SYN2: variants seen among roughly 807,000 people sequenced by gnomAD.
SYN2 encodes the protein synapsin-2.
A neutral mutation model predicts 50.9 loss-of-function variants in SYN2; 19 were observed. That is an observed-to-expected ratio of 0.37 (90% confidence interval 0.26 to 0.55). The LOEUF is 0.55. Among genes scored for constraint, SYN2 ranks in the 20% least tolerant of loss-of-function variants. The pLI, the probability that SYN2 is intolerant of heterozygous loss-of-function variation, is 0.81. For synonymous variants in SYN2, 255 were observed against 224.9 expected (o/e 1.13, Z -1.20); for missense variants, 587 against 576.4 (o/e 1.02, Z -0.19).
At chr3:12,072,439 G>C (rs1215538789) in intron 1 of SYN2, among the ~76,000 whole-genome samples, 1 of 152,108 alleles carries the variant, frequency 6.6e-6, no homozygotes, top group African/African-American at 2.4e-5. Flanking sequence ...TTTCTTTTCA[G>C]AATTTTATAG....
chr3:12,183,853 C>T (rs2289708), intron 11 of SYN2: 9 of 1,025,742 alleles, frequency 8.8e-6, no homozygotes, highest in Non-Finnish European at 1.0e-5. Flanking sequence ...TCTCCTCCCC[C>T]CAAGCTCAGT....
chr3:12,156,394 G>A (rs1697459514), intron 5 of SYN2, among the ~76,000 whole-genome samples: 1 of 152,130 alleles, frequency 6.6e-6, no homozygotes, highest in East Asian at 1.9e-4. Flanking sequence ...TCCTGCCTGG[G>A]CCCAAGTTCA....
At chr3:12,036,609 C>A (rs1055443149) in intron 1 of SYN2, among the ~76,000 whole-genome samples, 6 of 152,138 alleles carry the variant, frequency 3.9e-5, no homozygotes, top group African/African-American at 1.4e-4. Flanking sequence ...ACCATTCTGC[C>A]CTCCTAGAGC....
chr3:12,037,499 G>T (rs890668096), intron 1 of SYN2, among the ~76,000 whole-genome samples: 8 of 152,206 alleles, frequency 5.3e-5, no homozygotes, highest in Non-Finnish European at 1.0e-4. Flanking sequence ...GCTGTATCTG[G>T]TGAGGGCCTC....
At chr3:12,131,272 A>G (rs934039958) in intron 1 of SYN2, among the ~76,000 whole-genome samples, 2 of 152,196 alleles carry the variant, frequency 1.3e-5, no homozygotes, top group Non-Finnish European at 2.9e-5. Context: ...GTGAGACCAA[A>G]TCATGGAGGA....
intron 1 of SYN2, among the ~76,000 whole-genome samples, chr3:12,088,718 G>T (rs552295903): frequency 6.6e-6 from 1 of 152,274 alleles, no homozygotes; most frequent in East Asian, 1.9e-4. Flanking sequence ...TTACAAAGAA[G>T]GAATTTCAGT....
At chr3:12,012,803 G>T in intron 1 of SYN2, among the ~76,000 whole-genome samples, 1 of 151,968 alleles carries the variant, frequency 6.6e-6, no homozygotes. Context: ...TTTTCCTTCT[G>T]TTCATATTCT....
chr3:12,141,858 T>C lies in SYN2; in HGVS notation c.436-47T>C, dbSNP rs777797124. 3 of 779,654 alleles carry C rather than the reference T, an allele frequency of 3.8e-6. No homozygotes were observed. The Admixed American group carries it at 5.1e-5, about 13-fold the overall frequency. The allele number at this position is 779,654 out of a possible 1,614,324, so 48.3% of individuals were successfully genotyped here. ...TGTTGCTGCTGCTATGTAGAGGACT[T>C]GGTGAAGTCAGGATTGTGAACTTAT... On this transcript the variant is annotated intron_variant, in intron 2 of 12. Coordinates refer to ENST00000621198, the MANE Select transcript of SYN2 (RefSeq NM_133625.6).
chr3:12,186,558 G>A (rs913407426), intron 11 of SYN2, among the ~76,000 whole-genome samples: 2 of 152,176 alleles, frequency 1.3e-5, no homozygotes, highest in Non-Finnish European at 1.5e-5. Flanking sequence ...TGGCTGAGAG[G>A]TTCATCCTGC....
intron 1 of SYN2, among the ~76,000 whole-genome samples, chr3:12,116,169 G>A (rs574830276): frequency 2.4e-4 from 37 of 152,216 alleles, no homozygotes; most frequent in African/African-American, 8.2e-4. Flanking sequence ...CCCATAGCCC[G>A]CAGACAGCAA....
At chr3:12,133,634 G>A (rs555094676) in intron 1 of SYN2, among the ~76,000 whole-genome samples, 1 of 152,290 alleles carries the variant, frequency 6.6e-6, no homozygotes, top group Non-Finnish European at 1.5e-5. Flanking sequence ...AGAAAATTCT[G>A]AAGTCTAATT....
chr3:12,007,801 C>T (rs1343994628), intron 1 of SYN2, among the ~76,000 whole-genome samples: 1 of 152,206 alleles, frequency 6.6e-6, no homozygotes, highest in African/African-American at 2.4e-5. Flanking sequence ...GAATTTCTGT[C>T]ATTGTAATTG....
At chr3:12,104,160 T>C (rs1288189341) in intron 1 of SYN2, among the ~76,000 whole-genome samples, 1 of 151,998 alleles carries the variant, frequency 6.6e-6, no homozygotes, top group Non-Finnish European at 1.5e-5. Flanking sequence ...AGAGACAGAG[T>C]CTTACACCAT....
At chr3:12,019,348 T>G (rs914210284) in intron 1 of SYN2, among the ~76,000 whole-genome samples, 3 of 152,232 alleles carry the variant, frequency 2.0e-5, no homozygotes, top group African/African-American at 7.2e-5. Context: ...TTAGCTCAAC[T>G]ATGAGTTGCT....
chr3:12,184,087 G>A (rs1698286928), intron 11 of SYN2: 1 of 986,042 alleles, frequency 1.0e-6, no homozygotes, highest in Non-Finnish European at 1.2e-6. Context: ...GGCTGGCTGT[G>A]CCTGTAGAGC....
intron 1 of SYN2, among the ~76,000 whole-genome samples, chr3:12,123,716 G>A (rs1421762979): frequency 6.6e-6 from 1 of 152,170 alleles, no homozygotes; most frequent in Non-Finnish European, 1.5e-5. Context: ...GGGAGTTCAA[G>A]GCGAGTGGAT....
At chr3:12,038,258 C>A (rs940915550) in intron 1 of SYN2, among the ~76,000 whole-genome samples, 1 of 152,098 alleles carries the variant, frequency 6.6e-6, no homozygotes, top group Non-Finnish European at 1.5e-5. Flanking sequence ...TCCATTGATG[C>A]AATAGATTGC....
intron 1 of SYN2, among the ~76,000 whole-genome samples, chr3:12,063,988 A>G (rs545055434): frequency 9.3e-6 from 1 of 107,774 alleles, no homozygotes; most frequent in South Asian, 4.1e-4. Context: ...GAAAGTAGGA[A>G]AAAAGATTAC....
intron 5 of SYN2, chr3:12,154,480 C>A: frequency 6.2e-7 from 1 of 1,611,544 alleles, no homozygotes; most frequent in Non-Finnish European, 8.5e-7. Flanking sequence ...GAGAGTCAAG[C>A]ATCAGGATTC....
Sources: allele counts gnomAD v4.1 joint callset (sites outside exome capture counted in the v4.1 genomes callset), GRCh38; gene constraint gnomAD v4.1.1; transcripts MANE v1.5; gene names NCBI Gene and HGNC (gene_info 2026-07-23, HGNC 2026-07-21).